CALB1: variants seen among roughly 807,000 people sequenced by gnomAD.
CALB1 encodes calbindin.
A neutral mutation model predicts 46.7 loss-of-function variants in CALB1; 16 were observed. That is an observed-to-expected ratio of 0.34 (90% confidence interval 0.23 to 0.52). CALB1 has a LOEUF of 0.52. Among genes scored for constraint, CALB1 ranks in the 20% least tolerant of loss-of-function variants. The pLI is 0.95. For missense variants in CALB1, 224 were observed against 300.3 expected (o/e 0.75, Z 1.88); for synonymous variants, 90 against 112.8 (o/e 0.80, Z 1.28).
chr8:90,073,911 A>G (rs896017151), intron 3 of CALB1, among the ~76,000 whole-genome samples: 5 of 152,360 alleles, frequency 3.3e-5, no homozygotes, highest in African/African-American at 1.2e-4. Flanking sequence ...AGGCAACTTC[A>G]TTAGTGATAC....
chr8:90,077,781 A>C (rs572630769), intron 3 of CALB1, among the ~76,000 whole-genome samples: 176 of 152,202 alleles, frequency 1.2e-3, no homozygotes, highest in Non-Finnish European at 1.7e-3. Context: ...TAACTTTCAA[A>C]GATTCACATG....
At chr8:90,069,868 G>A (rs1347768293) in intron 3 of CALB1, among the ~76,000 whole-genome samples, 1 of 152,120 alleles carries the variant, frequency 6.6e-6, no homozygotes, top group Admixed American at 6.5e-5. Context: ...CTGCTGAAAG[G>A]ACATCCACTG....
intron 2 of CALB1, among the ~76,000 whole-genome samples, chr8:90,079,834 A>G (rs1285777012): frequency 6.6e-6 from 1 of 151,972 alleles, no homozygotes; most frequent in African/African-American, 2.4e-5. Context: ...AAAATTTTGA[A>G]ATTTCATGTT....
Position 90,082,791 on chromosome 8 carries a change from AG to A in CALB1, c.-95del. On this transcript the variant is annotated 5_prime_UTR_variant, in exon 1 of 11. Coordinates refer to ENST00000265431, the MANE Select transcript of CALB1 (RefSeq NM_004929.4). ...CAAAAGCTCAGCGTGTGCGCGAGTC[AG>A]GGCTGCGGAGGGAGACCTGGGCGCG... The A allele has an allele frequency of 8.3e-7, 1 of 1,205,322 alleles. No individual in the cohort carries two copies. Among genetic ancestry groups the A allele is most frequent in the South Asian group, 1.2e-5 (1 of 82,450 alleles). 74.7% of individuals were successfully genotyped at this position (1,205,322 alleles called of 1,614,324 possible).
rs776056750 is a variant in CALB1, at chr8:90,082,672, G to C, written c.26C>G (p.Ser9Cys). The C allele has an allele frequency of 1.2e-6, 2 of 1,614,144 alleles. No homozygotes were observed. Among genetic ancestry groups the C allele is most frequent in the Admixed American group, 3.3e-5 (2 of 60,028 alleles). The stretch of plus-strand genomic sequence containing the variant: ...GAAAAACTGTGAGGCTGTGATGAGG[G>C]ATGACTGCAGGTGGGATTCTGCCAT... MAESHLQS[S>C]LITASQFFEI... Residue 9 changes from serine (S) to cysteine (C), a missense_variant, in exon 1 of 11, where the codon TCC becomes TGC. Transcript: ENST00000265431.
At chr8:90,082,126 G>A (rs779048518) in intron 1 of CALB1, 24 bp from the exon 2 acceptor site, 12 of 1,592,972 alleles carry the variant, frequency 7.5e-6, no homozygotes, top group Non-Finnish European at 1.0e-5. Context: ...GAGGCACCCA[G>A]GTGTCAGATA....
chr8:90,065,853 T>A, intron 6 of CALB1, 45 bp downstream of exon 6: 1 of 1,233,462 alleles, frequency 8.1e-7, no homozygotes, highest in Non-Finnish European at 1.2e-6. Flanking sequence ...AACATCATAC[T>A]ACTTCATGAG....
chr8:90,063,977 T>C (rs1169101621), intron 6 of CALB1: 1 of 152,268 alleles, frequency 6.6e-6, no homozygotes, highest in Non-Finnish European at 1.5e-5. Flanking sequence ...CCACTGCACT[T>C]ATATATACGT....
At position 90,076,450 on chromosome 8, in the gene CALB1, A is replaced by AT. The variant is rs1218480068; in HGVS notation, c.231+1922dup. ...TGCTATAACTATAAAATAGATCTTC[A>AT]TTTTATATTTAAATTTACTTAATTT... is the stretch of plus-strand genomic sequence containing the variant. On this transcript the variant is annotated intron_variant, in intron 3 of 10. Coordinates refer to ENST00000265431, the MANE Select transcript of CALB1 (RefSeq NM_004929.4). Among the ~76,000 whole-genome samples, 5 of 152,164 alleles carry AT rather than the reference A, an allele frequency of 3.3e-5. No individual in the cohort carries two copies. In the East Asian group the frequency reaches 5.8e-4, roughly 18 times the overall value.
Position 90,059,279 on chromosome 8 carries a change from GA to G in CALB1, c.*893del, listed in dbSNP as rs1464179871. On this transcript the variant is annotated 3_prime_UTR_variant, in exon 11 of 11. Coordinates refer to ENST00000265431, the MANE Select transcript of CALB1 (RefSeq NM_004929.4). The stretch of plus-strand genomic sequence containing the variant: ...GTAAAAAATAGAGTTGTTATAGCTA[GA>G]AAAAAATATTTTCAGAGGCAGCAGA... The G allele has an allele frequency of 6.6e-6, 1 of 152,290 alleles. No homozygotes were observed. Among genetic ancestry groups the G allele is most frequent in the African/African-American group, 2.4e-5 (1 of 41,354 alleles). The allele number at this position is 152,290 out of a possible 1,614,324, so 9.4% of individuals were successfully genotyped here.
chr8:90,077,455 T>A (rs1814641819), intron 3 of CALB1, among the ~76,000 whole-genome samples: 1 of 152,024 alleles, frequency 6.6e-6, no homozygotes, highest in African/African-American at 2.4e-5. Flanking sequence ...TACTTCACAA[T>A]CTAATACACT....
At chr8:90,063,355 A>G (rs1267465047) in intron 7 of CALB1, 35 bp from the exon 8 acceptor site, 7 of 1,581,112 alleles carry the variant, frequency 4.4e-6, no homozygotes, top group Non-Finnish European at 6.1e-6. Context: ...AATATATTAC[A>G]TTTTTTGAAA....
chr8:90,078,413 T>C lies in CALB1; in HGVS notation c.191A>G (p.Gln64Arg). ...TTTTCCATCATCTCTTTGCCCATAC[T>C]GATCCACAAAAGTTTTCATTTCAGG... ...LSPEMKTFVD[Q>R]YGQRDDGKIG... The change falls in exon 3 of 11, where the codon CAG (glutamine) becomes CGG (arginine). Residue 64 changes from glutamine (Q) to arginine (R), a missense_variant. Physicochemically the swap from Gln to Arg is conservative, Grantham distance 43 (BLOSUM62 1). Coordinates refer to ENST00000265431, the MANE Select transcript of CALB1 (RefSeq NM_004929.4). The C allele has an allele frequency of 6.3e-7, 1 of 1,595,554 alleles. No homozygotes were observed. Among genetic ancestry groups the C allele is most frequent in the African/African-American group, 1.3e-5 (1 of 74,246 alleles).
intron 6 of CALB1, chr8:90,064,402 GT>G (rs1263680982): frequency 6.6e-6 from 1 of 151,648 alleles, no homozygotes; most frequent in African/African-American, 2.4e-5. Context: ...CGATTACTTA[GT>G]TTTGTGCCCA....
chr8:90,071,575 G>A (rs1164561501), intron 3 of CALB1, among the ~76,000 whole-genome samples: 1 of 152,084 alleles, frequency 6.6e-6, no homozygotes, highest in Non-Finnish European at 1.5e-5. Flanking sequence ...TTTTAAAGAA[G>A]ATGGGAAGAG....
chr8:90,070,603 TC>T lies in CALB1; in HGVS notation c.232-1367del, dbSNP rs569308801. On this transcript the variant is annotated intron_variant, in intron 3 of 10. Coordinates refer to ENST00000265431, the MANE Select transcript of CALB1 (RefSeq NM_004929.4). ...AAATAATATTTCAAATTAAAACCAC[TC>T]GATTTATACGCACCACACATGTGGG... is the stretch of plus-strand genomic sequence containing the variant. Among the ~76,000 whole-genome samples the T allele has an allele frequency of 2.6e-3, 393 of 152,268 alleles. 2 individuals carry two copies. The highest frequency in any genetic ancestry group is 5.5e-3 in the Admixed American group (84 of 15,296).
intron 2 of CALB1, among the ~76,000 whole-genome samples, chr8:90,081,025 A>G (rs1360123635): frequency 6.6e-6 from 1 of 152,160 alleles, no homozygotes; most frequent in Non-Finnish European, 1.5e-5. Context: ...GCAGTGTTAC[A>G]TAAACCTCAA....
rs201621763 is a variant in CALB1, at chr8:90,082,635, G to C, written c.63C>G (p.Leu21=). The part of the protein sequence containing the change: ...ITASQFFEIW[L]HFDADGSGYL... ...GATAATCACCGTCAGCGTCGAAATG[G>C]AGCCAGATCTCGAAAAACTGTGAGG... is the stretch of plus-strand genomic sequence containing the variant. The change falls in exon 1 of 11, where the codon CTC becomes CTG. Residue 21 remains leucine (L), a synonymous_variant. Transcript: ENST00000265431. The C allele has an allele frequency of 1.2e-6, 2 of 1,613,798 alleles. No individual in the cohort carries two copies. The highest frequency in any genetic ancestry group is 2.2e-5 in the East Asian group (1 of 44,884).
chr8:90,077,256 C>T (rs1172511966), intron 3 of CALB1, among the ~76,000 whole-genome samples: 1 of 151,800 alleles, frequency 6.6e-6, no homozygotes, highest in Non-Finnish European at 1.5e-5. Context: ...TGTATGTACT[C>T]CAGGGAAAAT....
Sources: allele counts gnomAD v4.1 joint callset (sites outside exome capture counted in the v4.1 genomes callset), GRCh38; gene constraint gnomAD v4.1.1; transcripts MANE v1.5; gene names NCBI Gene and HGNC (gene_info 2026-07-23, HGNC 2026-07-21).